Variants in BRD1 observed in about 807,000 individuals in gnomAD.
The protein encoded by BRD1 is bromodomain containing 1.
A neutral mutation model predicts 107.7 loss-of-function variants in BRD1; 24 were observed. The ratio of observed to expected loss-of-function variants is 0.22; its 90% CI spans 0.16 to 0.31. The LOEUF (loss-of-function observed/expected upper bound fraction) is 0.31. BRD1 is among the 10% of genes least tolerant of loss of function. BRD1 has a pLI of 1.00. For synonymous variants in BRD1, 744 were observed against 686.1 expected (o/e 1.08, Z -1.32); for missense variants, 1,279 against 1,638.6 (o/e 0.78, Z 3.79).
chr22:49,793,886 C>G (rs546503298), intron 7 of BRD1, 148 bp downstream of exon 7: 21 of 1,102,268 alleles, frequency 1.9e-5, no homozygotes, highest in Non-Finnish European at 2.3e-5. Context: ...ATCAAGTGTT[C>G]CGGGATTTGT....
At chr22:49,782,861 G>A (rs541553086) in intron 8 of BRD1, among the ~76,000 whole-genome samples, 48 of 149,548 alleles carry the variant, frequency 3.2e-4, no homozygotes, top group South Asian at 1.5e-3. Context: ...GACCCGCTCC[G>A]CGACAATGCA....
At chr22:49,811,511 A>G (rs1671849963) in intron 2 of BRD1, among the ~76,000 whole-genome samples, 1 of 152,188 alleles carries the variant, frequency 6.6e-6, no homozygotes, top group Admixed American at 6.5e-5. Context: ...GGTACCTGCT[A>G]CTAAGCGGGT....
At chr22:49,784,344 GCA>G (rs1275530018) in intron 8 of BRD1, among the ~76,000 whole-genome samples, 1 of 152,038 alleles carries the variant, frequency 6.6e-6, no homozygotes, top group Non-Finnish European at 1.5e-5. Context: ...CCCAGCACGT[GCA>G]CACAGAGACT....
rs367964777 is a variant in BRD1, at chr22:49,824,368, G to A, written c.-14-37C>T. 100 of 1,597,110 alleles carry A rather than the reference G, an allele frequency of 6.3e-5. No homozygotes were observed. In the African/African-American group the frequency reaches 1.2e-3, roughly 19 times the overall value. On this transcript the variant is annotated intron_variant, in intron 1 of 12. Coordinates refer to ENST00000404760, the MANE Select transcript of BRD1 (RefSeq NM_001304808.3). This position sits in a 1 kb window ranked among gnomAD's most constrained non-coding sequence, Gnocchi z 5.9. ...GCAAAAGTAAAGGTAATTCTACGCAGGGTGACCAAAGACTCGAGAAAACCA... is the reference window on the plus strand; with the variant it reads ...GCAAAAGTAAAGGTAATTCTACGCAAGGTGACCAAAGACTCGAGAAAACCA...
chr22:49,822,550 A>ATT (rs1212225806), intron 2 of BRD1, among the ~76,000 whole-genome samples: 5 of 151,946 alleles, frequency 3.3e-5, no homozygotes, highest in African/African-American at 1.2e-4. Context: ...TCTACTTAAA[A>ATT]AATACAAAAA....
intron 10 of BRD1, among the ~76,000 whole-genome samples, chr22:49,776,589 G>C (rs55725157): frequency 6.6e-6 from 1 of 152,168 alleles, no homozygotes; most frequent in Non-Finnish European, 1.5e-5. Flanking sequence ...GGGGATCTCC[G>C]TCCTGATGCC....
At chr22:49,789,983 C>A (rs2147070443) in intron 7 of BRD1, among the ~76,000 whole-genome samples, 1 of 152,360 alleles carries the variant, frequency 6.6e-6, no homozygotes, top group South Asian at 2.1e-4. Context: ...CTCAGCCATG[C>A]ATGCACCCCA....
chr22:49,818,325 CG>C, intron 2 of BRD1: 1 of 1,274,252 alleles, frequency 7.8e-7, no homozygotes, highest in Non-Finnish European at 1.0e-6. Flanking sequence ...CGACACAGGC[CG>C]TCTGCCTGCT....
intron 8 of BRD1, among the ~76,000 whole-genome samples, chr22:49,784,522 C>T (rs1196481528): frequency 1.3e-5 from 2 of 152,240 alleles, no homozygotes; most frequent in Non-Finnish European, 2.9e-5. Context: ...AGCCGGCCCG[C>T]GGGCGACACG....
At chr22:49,814,984 A>C (rs1180111043) in intron 2 of BRD1, among the ~76,000 whole-genome samples, 2 of 152,164 alleles carry the variant, frequency 1.3e-5, no homozygotes, top group Admixed American at 1.3e-4. Context: ...TTGCCCCACA[A>C]AGCTAGGGGT....
rs2059114308 is a variant in BRD1, at chr22:49,777,047, G to C, written c.3108C>G (p.Ala1036=). The C allele has an allele frequency of 6.2e-7, 1 of 1,613,160 alleles. No homozygotes were observed. The highest frequency in any genetic ancestry group is 8.5e-7 in the Non-Finnish European group (1 of 1,179,996). ...CIENGNYAKA[A]RIAAEVGQSS... ...CGGGCGACTCACCGGCTGCGATCCT[G>C]GCCGCCTTGGCGTAGTTCCCATTCT... Residue 1036 remains alanine, a synonymous_variant, in exon 10 of 13, where the codon GCC becomes GCG. Transcript: ENST00000404760.
In BRD1 at chr22:49,789,522, A is replaced by G. The variant is rs189886602; in HGVS notation, c.2360-1635T>C. Among the ~76,000 whole-genome samples the G allele has an allele frequency of 1.2e-3, 167 of 134,998 alleles. No homozygotes were observed. In the Admixed American group the frequency reaches 0.014, roughly 11 times the overall value. 88.6% of individuals were successfully genotyped at this position (134,998 alleles called of 152,430 possible). A position where few individuals can be genotyped will look rare whatever the true frequency, so the allele number is the denominator to read the frequency against. ...CCCGCCCCGAGCTCTCGCCCTGATTACGACATTCAACTGCTCACTGCAATC... is the reference window on the plus strand; with the variant it reads ...CCCGCCCCGAGCTCTCGCCCTGATTGCGACATTCAACTGCTCACTGCAATC... On this transcript the variant is annotated intron_variant, in intron 7 of 12. Coordinates refer to ENST00000404760, the MANE Select transcript of BRD1 (RefSeq NM_001304808.3).
chr22:49,816,372 G>C (rs1338411211), intron 2 of BRD1, among the ~76,000 whole-genome samples: 5 of 152,028 alleles, frequency 3.3e-5, no homozygotes, highest in Non-Finnish European at 5.9e-5. Context: ...AACCTCTGCA[G>C]GTACCCACTA....
At chr22:49,776,915 G>A in intron 10 of BRD1, 119 bp downstream of exon 10, 2 of 1,448,188 alleles carry the variant, frequency 1.4e-6, no homozygotes, top group East Asian at 2.3e-5. Flanking sequence ...GGTTGGCCAG[G>A]GTGGGGCTCC....
intron 3 of BRD1, among the ~76,000 whole-genome samples, chr22:49,800,057 G>C (rs2059613010): frequency 6.6e-6 from 1 of 152,192 alleles, no homozygotes. Context: ...ATCAGTTTCT[G>C]GCACATGCTT....
At chr22:49,777,278 CG>C in intron 9 of BRD1, 117 bp from the exon 10 acceptor site, 1 of 1,487,612 alleles carries the variant, frequency 6.7e-7, no homozygotes. Flanking sequence ...CTGACACCCC[CG>C]CGGCCAGACG....
intron 2 of BRD1, among the ~76,000 whole-genome samples, chr22:49,809,403 G>T (rs993462523): frequency 6.6e-6 from 1 of 151,948 alleles, no homozygotes; most frequent in African/African-American, 2.4e-5. Flanking sequence ...AGCCAGGCGT[G>T]GTGACAGGTG....
chr22:49,782,346 A>G (rs116338951), intron 8 of BRD1, among the ~76,000 whole-genome samples: 7,654 of 130,866 alleles, frequency 0.058, 482 homozygotes, highest in African/African-American at 0.17. Flanking sequence ...GATGGTCAGA[A>G]ACAGACCCAA....
rs1267816058 is a variant in BRD1, at chr22:49,820,139, G to C, written c.1367+2812C>G. On this transcript the variant is annotated intron_variant, in intron 2 of 12. Coordinates refer to ENST00000404760, the MANE Select transcript of BRD1 (RefSeq NM_001304808.3). ...AGCAAGACTCCACCTCAAAAAAAAG[G>C]GGGGAAAAAAAAGAACTATCTTTTT... is the stretch of plus-strand genomic sequence containing the variant. 2.0e-5 allele frequency among the ~76,000 whole-genome samples: 3 copies of C among 151,908 alleles called. No homozygotes were observed. In the East Asian group the frequency reaches 5.8e-4, roughly 29 times the overall value.
Sources: allele counts gnomAD v4.1 joint callset (sites outside exome capture counted in the v4.1 genomes callset), GRCh38; gene constraint gnomAD v4.1.1; non-coding constraint Gnocchi (gnomAD v3.1); transcripts MANE v1.5; gene names NCBI Gene and HGNC (gene_info 2026-07-23, HGNC 2026-07-21).